CSMD1: variants seen among roughly 807,000 people sequenced by gnomAD.
CSMD1 encodes the protein CUB and sushi domain-containing protein 1.
A neutral mutation model predicts 417.5 loss-of-function variants in CSMD1; 213 were observed. The observed-to-expected ratio is 0.51, with a 90% CI of 0.46 to 0.57. The LOEUF is 0.57. CSMD1 is among the 20% of genes least tolerant of loss of function. The pLI is 0.00. For synonymous variants in CSMD1, 2,862 were observed against 1,736.8 expected, an observed-to-expected ratio of 1.65 and a Z score of -16.11; for missense variants, 6,923 against 4,529.7, an observed-to-expected ratio of 1.53 and a Z score of -15.17.
intron 3 of CSMD1, among the ~76,000 whole-genome samples, chr8:4,198,925 T>C (rs981617351): frequency 1.3e-5 from 2 of 149,374 alleles, no homozygotes; most frequent in African/African-American, 5.1e-5. Flanking sequence ...GCAGGTTTTT[T>C]TTGTATTTCC....
rs778605665 is a variant in CSMD1, at chr8:2,942,635, G to C, written c.10403-31C>G. On this transcript the variant is annotated intron_variant, in intron 68 of 69. Coordinates refer to ENST00000635120, the MANE Select transcript of CSMD1 (RefSeq NM_033225.6). The stretch of plus-strand genomic sequence containing the variant: ...AGATAAAGGAAATATTAAATTTGTT[G>C]TTACTGTACTCTGCTTAAACAAATA... 2.0e-6 allele frequency: 3 copies of C among 1,514,770 alleles called. No homozygotes were observed. In the African/African-American group the frequency reaches 4.2e-5, roughly 21 times the overall value. 93.8% of individuals were successfully genotyped at this position (1,514,770 alleles called of 1,614,324 possible). A position where few individuals can be genotyped will look rare whatever the true frequency, so the allele number is the denominator to read the frequency against.
At chr8:3,972,496 T>G (rs34959669) in intron 5 of CSMD1, among the ~76,000 whole-genome samples, 37,549 of 152,146 alleles carry the variant, frequency 0.25, 4,765 homozygotes, top group East Asian at 0.4. Flanking sequence ...AATGAATTTT[T>G]GCCTCTGTCA....
intron 3 of CSMD1, among the ~76,000 whole-genome samples, chr8:4,310,737 G>C (rs891122698): frequency 2.0e-5 from 3 of 152,126 alleles, no homozygotes; most frequent in Non-Finnish European, 4.4e-5. Flanking sequence ...CATGGAGAGA[G>C]TAGCTCCAGC....
intron 1 of CSMD1, among the ~76,000 whole-genome samples, chr8:4,707,886 CAAAAA>C (rs552510236): frequency 1.2e-4 from 12 of 100,844 alleles, no homozygotes; most frequent in African/African-American, 4.0e-4. Flanking sequence ...GACTTTGTTT[CAAAAA>C]AAAAAAAAAA....
intron 5 of CSMD1, among the ~76,000 whole-genome samples, chr8:3,989,943 C>G (rs1814618926): frequency 1.3e-5 from 2 of 152,164 alleles, no homozygotes; most frequent in Non-Finnish European, 2.9e-5. Flanking sequence ...ATTAGATATT[C>G]ATGGCTTCAA....
At chr8:4,574,333 C>A (rs1490875092) in intron 2 of CSMD1, among the ~76,000 whole-genome samples, 1 of 152,138 alleles carries the variant, frequency 6.6e-6, no homozygotes, top group African/African-American at 2.4e-5. Flanking sequence ...ATAGCACCAT[C>A]CCTCAACGGC....
At chr8:3,808,792 G>A (rs4521787) in intron 5 of CSMD1, among the ~76,000 whole-genome samples, 2,212 of 152,256 alleles carry the variant, frequency 0.015, 47 homozygotes, top group East Asian at 0.038. Context: ...CTCGGAATTG[G>A]AAAATTTCAA....
In CSMD1 at chr8:3,486,060, T is replaced by C. The variant is rs1004011852; in HGVS notation, c.1448+7563A>G. 1.2e-4 allele frequency among the ~76,000 whole-genome samples: 18 copies of C among 152,158 alleles called. 1 individual carries two copies. The highest frequency in any genetic ancestry group is 1.1e-3 in the Admixed American group (17 of 15,280). On this transcript the variant is annotated intron_variant, in intron 11 of 69. Transcript: ENST00000635120. ...CTTCACTTGGCAGATAGAAATGATA[T>C]CTTTGTCACAATTTTGTCAAGAAAC...
chr8:3,835,028 C>A (rs867773671), intron 5 of CSMD1, among the ~76,000 whole-genome samples: 4 of 152,076 alleles, frequency 2.6e-5, no homozygotes, highest in African/African-American at 9.6e-5. Flanking sequence ...ACACCATCTC[C>A]CACCAGTTAG....
chr8:3,670,195 G>A (rs956576556), intron 7 of CSMD1, among the ~76,000 whole-genome samples: 3 of 151,910 alleles, frequency 2.0e-5, no homozygotes, highest in East Asian at 1.9e-4. Context: ...CACTTAATCT[G>A]GGTGGGTACC....
intron 5 of CSMD1, among the ~76,000 whole-genome samples, chr8:3,879,293 T>G (rs1806048906): frequency 6.6e-6 from 1 of 152,134 alleles, no homozygotes; most frequent in Non-Finnish European, 1.5e-5. Flanking sequence ...ATATCAAATG[T>G]ATGTCAAAAA....
intron 3 of CSMD1, among the ~76,000 whole-genome samples, chr8:4,098,020 G>A (rs550027087): frequency 4.6e-5 from 7 of 152,234 alleles, no homozygotes; most frequent in African/African-American, 1.7e-4. Flanking sequence ...GTGATTTGCA[G>A]GAGTTCATAT....
intron 7 of CSMD1, among the ~76,000 whole-genome samples, chr8:3,702,771 G>C (rs997854066): frequency 6.6e-6 from 1 of 152,222 alleles, no homozygotes; most frequent in Non-Finnish European, 1.5e-5. Flanking sequence ...GGTGCAGGTT[G>C]CAGTTAGCTG....
In CSMD1 at chr8:4,338,300, A is replaced by G. The variant is rs77497223; in HGVS notation, c.415+81653T>C. Among the ~76,000 whole-genome samples, 1,410 of 152,284 alleles carry G rather than the reference A, an allele frequency of 9.3e-3. 46 individuals carry two copies. The highest frequency in any genetic ancestry group is 0.072 in the East Asian group (369 of 5,156). On this transcript the variant is annotated intron_variant, in intron 3 of 69. Transcript: ENST00000635120. ...CAAGAGTTCAATGCAGTAGTTGAAT[A>G]TAGTTAGTTACACATTTACCTCGTA...
intron 10 of CSMD1, among the ~76,000 whole-genome samples, chr8:3,504,811 T>C (rs1485115934): frequency 6.6e-6 from 1 of 152,044 alleles, no homozygotes; most frequent in Admixed American, 6.6e-5. Flanking sequence ...AGGAGTAAGG[T>C]GAGATTCATT....
At chr8:4,561,296 C>T (rs1393049982) in intron 2 of CSMD1, among the ~76,000 whole-genome samples, 2 of 152,160 alleles carry the variant, frequency 1.3e-5, no homozygotes, top group African/African-American at 4.8e-5. Flanking sequence ...ATCGTTTGAA[C>T]TCAGGAGCTG....
intron 37 of CSMD1, among the ~76,000 whole-genome samples, chr8:3,176,394 G>A (rs545694490): frequency 5.4e-4 from 82 of 151,878 alleles, no homozygotes; most frequent in African/African-American, 1.5e-3. Context: ...GTTATGTGGG[G>A]GACAGATAGA....
chr8:3,647,576 A>C (rs939714977), intron 7 of CSMD1, among the ~76,000 whole-genome samples: 2 of 152,230 alleles, frequency 1.3e-5, no homozygotes, highest in Non-Finnish European at 2.9e-5. Context: ...ATACGGCATA[A>C]AGAAAAACAC....
intron 7 of CSMD1, among the ~76,000 whole-genome samples, chr8:3,677,323 C>T (rs997376687): frequency 3.9e-5 from 6 of 152,242 alleles, no homozygotes; most frequent in African/African-American, 2.4e-5. Flanking sequence ...GACTTAATAA[C>T]CATCTATACC....
Sources: gnomAD v4.1 joint callset for allele counts (sites outside exome capture counted in the v4.1 genomes callset) on GRCh38, gnomAD v4.1.1 for gene constraint, MANE v1.5 for transcripts, NCBI Gene and HGNC (gene_info 2026-07-23, HGNC 2026-07-21) for gene names.